ACVR1: variants seen among roughly 807,000 people sequenced by gnomAD.
ACVR1 encodes activin A receptor type 1.
A neutral mutation model predicts 57.1 loss-of-function variants in ACVR1; 38 were observed. The observed-to-expected ratio is 0.67, with a 90% confidence interval of 0.51 to 0.87. The LOEUF (loss-of-function observed/expected upper bound fraction) is 0.87, where lower values mean the gene tolerates loss of function less well. Among genes scored for constraint, ACVR1 ranks in the 40% least tolerant of loss-of-function variants. The pLI, the probability that ACVR1 is intolerant of heterozygous loss-of-function variation, is 0.00. For missense variants in ACVR1, 463 were observed against 638.2 expected, an observed-to-expected ratio of 0.73 and a Z score of 2.96; for synonymous variants, 212 against 228.1, an observed-to-expected ratio of 0.93 and a Z score of 0.63.
At chr2:157,803,602 T>C (rs1381186924) in intron 2 of ACVR1, among the ~76,000 whole-genome samples, 2 of 152,212 alleles carry the variant, frequency 1.3e-5, no homozygotes, top group African/African-American at 4.8e-5. Flanking sequence ...GAAAATTGCA[T>C]TTTTAAAAGT....
At chr2:157,756,244 T>C (rs994834152) in intron 9 of ACVR1, among the ~76,000 whole-genome samples, 3 of 151,976 alleles carry the variant, frequency 2.0e-5, no homozygotes, top group Admixed American at 1.3e-4. Flanking sequence ...CCTTTAGACA[T>C]TGGCTTAGGA....
chr2:157,766,360 T>C (rs994888849), intron 7 of ACVR1, among the ~76,000 whole-genome samples, 164 bp from the exon 8 acceptor site: 1 of 152,096 alleles, frequency 6.6e-6, no homozygotes, highest in Non-Finnish European at 1.5e-5. Context: ...CAGAGAAAAA[T>C]AATAGCATTT....
chr2:157,851,992 T>C (rs1689329930), intron 1 of ACVR1, among the ~76,000 whole-genome samples: 1 of 149,504 alleles, frequency 6.7e-6, no homozygotes, highest in Non-Finnish European at 1.5e-5. Flanking sequence ...GTAAGATTAT[T>C]ATGTTCTGAA....
intron 5 of ACVR1, among the ~76,000 whole-genome samples, chr2:157,774,639 C>G (rs1045387653): frequency 6.6e-6 from 1 of 152,238 alleles, no homozygotes; most frequent in African/African-American, 2.4e-5. Context: ...ACTGGGATTA[C>G]AGGCATGAGC....
At chr2:157,749,257 C>T (rs36041322) in intron 9 of ACVR1, among the ~76,000 whole-genome samples, 36,419 of 152,078 alleles carry the variant, frequency 0.24, 4,388 homozygotes, top group East Asian at 0.27. Flanking sequence ...ATATTTGTGG[C>T]TGATTTGGGT....
intron 2 of ACVR1, among the ~76,000 whole-genome samples, chr2:157,800,118 C>T (rs1467156009): frequency 1.3e-5 from 2 of 152,154 alleles, no homozygotes; most frequent in African/African-American, 2.4e-5. Context: ...CAACTAAAAT[C>T]ATGTAAAAAT....
chr2:157,874,567 G>C (rs1221786807), intron 1 of ACVR1, among the ~76,000 whole-genome samples: 1 of 152,196 alleles, frequency 6.6e-6, no homozygotes, highest in Non-Finnish European at 1.5e-5. Flanking sequence ...CCCGCCACTT[G>C]GATCAGCCCA....
intron 1 of ACVR1, among the ~76,000 whole-genome samples, chr2:157,850,111 C>T (rs754100209): frequency 1.8e-4 from 28 of 152,060 alleles, no homozygotes; most frequent in African/African-American, 5.5e-4. Context: ...ATGAGAAGGC[C>T]GGGTGCGGTG....
chr2:157,805,021 A>T (rs983480903), intron 2 of ACVR1, among the ~76,000 whole-genome samples: 2 of 152,214 alleles, frequency 1.3e-5, no homozygotes, highest in African/African-American at 4.8e-5. Context: ...CCAAAATTTT[A>T]CTGTGGTATT....
chr2:157,803,321 A>C (rs553023230), intron 2 of ACVR1, among the ~76,000 whole-genome samples: 1 of 152,342 alleles, frequency 6.6e-6, no homozygotes, highest in Non-Finnish European at 1.5e-5. Context: ...TTCCGTCTCT[A>C]GTGTTTAAAG....
chr2:157,798,914 T>A (rs1687219768), intron 3 of ACVR1, among the ~76,000 whole-genome samples: 1 of 152,050 alleles, frequency 6.6e-6, no homozygotes, highest in African/African-American at 2.4e-5. Context: ...TATTTATTTT[T>A]GAGACAGAGT....
In ACVR1 at chr2:157,766,182, C is replaced by T. The variant is rs1254939246; in HGVS notation, c.805G>A (p.Asp269Asn). The T allele has an allele frequency of 6.2e-7, 1 of 1,614,014 alleles. No homozygotes were observed. Among genetic ancestry groups the T allele is most frequent in the Non-Finnish European group, 8.5e-7 (1 of 1,179,986 alleles). Reference protein sequence around the residue: ...HENILGFIASDMTSRHSSTQL... With the variant: ...HENILGFIASNMTSRHSSTQL... ...GTACTGGAGTGTCTTGATGTCATGT[C>T]TGAAGCAATGAAACCTGGAGAGAGC... The change falls in exon 8 of 11, where the codon GAC (aspartate) becomes AAC (asparagine). Residue 269 changes from aspartate (D) to asparagine (N), a missense_variant. Transcript: ENST00000434821.
intron 2 of ACVR1, among the ~76,000 whole-genome samples, chr2:157,801,552 A>T (rs893764249): frequency 6.6e-6 from 1 of 152,214 alleles, no homozygotes; most frequent in Admixed American, 6.5e-5. Context: ...CAATCTCCCC[A>T]AATTCAAAAT....
intron 1 of ACVR1, among the ~76,000 whole-genome samples, chr2:157,855,298 G>GTA (rs1169941150): frequency 1.7e-4 from 12 of 70,120 alleles, no homozygotes; most frequent in African/African-American, 5.8e-4. Flanking sequence ...GTGTGTGTGT[G>GTA]TGTGTGTGTG....
intron 9 of ACVR1, among the ~76,000 whole-genome samples, chr2:157,760,588 A>G (rs1685608225): frequency 6.6e-6 from 1 of 152,242 alleles, no homozygotes; most frequent in Admixed American, 6.5e-5. Flanking sequence ...ATTACGTATC[A>G]ATTTTAAAAA....
chr2:157,819,429 GAGA>G (rs1688075599), intron 1 of ACVR1: 2 of 148,018 alleles, frequency 1.4e-5, no homozygotes, highest in African/African-American at 4.9e-5. Flanking sequence ...ACGGTGAGCC[GAGA>G]TCACGGTGAG....
At chr2:157,751,837 C>T (rs1294176603) in intron 9 of ACVR1, among the ~76,000 whole-genome samples, 1 of 152,114 alleles carries the variant, frequency 6.6e-6, no homozygotes, top group African/African-American at 2.4e-5. Context: ...CACGCCTAAC[C>T]CTGCCCCTAC....
intron 1 of ACVR1, among the ~76,000 whole-genome samples, chr2:157,862,131 A>G (rs1416548030): frequency 6.6e-6 from 1 of 152,210 alleles, no homozygotes; most frequent in Admixed American, 6.5e-5. Flanking sequence ...CAGCACAGAG[A>G]TAACTGCTAA....
At position 157,737,656 on chromosome 2, in the gene ACVR1, A is replaced by C. The variant is rs757333055; in HGVS notation, c.1405T>G (p.Ser469Ala). The C allele has an allele frequency of 2.5e-6, 4 of 1,613,986 alleles. No homozygotes were observed. In the Admixed American group the frequency reaches 6.7e-5, roughly 27 times the overall value. The change falls in exon 11 of 11, where the codon TCT becomes GCT. Residue 469 changes from serine (S) to alanine (A), a missense_variant. Physicochemically the swap from Ser to Ala is moderately conservative, Grantham distance 99 (BLOSUM62 1). Around this residue, in one of 3 missense-constraint regions of ACVR1, gnomAD observed 146 missense variants for 186.6 expected, o/e 0.78. Coordinates refer to ENST00000434821, the MANE Select transcript of ACVR1 (RefSeq NM_001111067.4). ...CATTCTTTCATTAGCTTGGCCAGAG[A>C]GGTTAATGTCTGAGGAGAGAAAGAA... ...NRWFSDPTLT[S>A]LAKLMKECWY...
Sources: allele counts gnomAD v4.1 joint callset (sites outside exome capture counted in the v4.1 genomes callset), GRCh38; gene constraint gnomAD v4.1.1; regional missense constraint gnomAD v4.1.1; transcripts MANE v1.5; gene names NCBI Gene and HGNC (gene_info 2026-07-23, HGNC 2026-07-21).